C19orf47: variants seen among roughly 807,000 people sequenced by gnomAD.
The protein encoded by C19orf47 is chromosome 19 open reading frame 47.
C19orf47 carries 18 observed loss-of-function variants against 32.3 expected under a neutral mutation model. That is an observed-to-expected ratio of 0.56 (90% CI 0.39 to 0.83). C19orf47 has a LOEUF of 0.83. Ranked by LOEUF, C19orf47 falls within the 40% of genes least tolerant of loss-of-function variation. C19orf47 has a pLI of 0.00. For synonymous variants in C19orf47, 202 were observed against 211.1 expected (o/e 0.96, Z 0.37); for missense variants, 484 against 531.6 (o/e 0.91, Z 0.88).
At chr19:40,304,797 G>A in the C19orf47 span, among the ~76,000 whole-genome samples, 1 of 152,180 alleles carries the variant, frequency 6.6e-6, no homozygotes, top group African/African-American at 2.4e-5. Context: ...GTACAGGGAA[G>A]CCATTTTTTG....
At chr19:40,311,374 G>A in the C19orf47 span, among the ~76,000 whole-genome samples, 4 of 143,158 alleles carry the variant, frequency 2.8e-5, no homozygotes, top group Non-Finnish European at 6.1e-5. Context: ...AGCAAAACTC[G>A]GTCTCAAAAA....
the C19orf47 span, among the ~76,000 whole-genome samples, chr19:40,308,784 C>T: frequency 1.3e-5 from 2 of 151,346 alleles, no homozygotes; most frequent in African/African-American, 4.8e-5. Context: ...TATAAGAATA[C>T]ACAACAAAAG....
At chr19:40,328,351 A>G (rs1568610890) in intron 6 of C19orf47, 62 bp downstream of exon 6, 1 of 1,593,228 alleles carries the variant, frequency 6.3e-7, no homozygotes, top group Non-Finnish European at 8.5e-7. Context: ...ATGACCCCCA[A>G]CACCTCCTAC....
At chr19:40,317,456 T>C (rs2077669616), downstream of C19orf47, among the ~76,000 whole-genome samples, 1 of 151,520 alleles carries the variant, frequency 6.6e-6, no homozygotes, top group African/African-American at 2.4e-5. Flanking sequence ...AAGTGCTTAA[T>C]AGAATCAGTG....
the C19orf47 span, among the ~76,000 whole-genome samples, chr19:40,310,135 T>C: frequency 6.6e-6 from 1 of 152,022 alleles, no homozygotes; most frequent in South Asian, 2.1e-4. Context: ...CATCAACTCA[T>C]AGATAAACAA....
intron 5 of C19orf47, 61 bp downstream of exon 5, chr19:40,333,790 G>A (rs1177548699): frequency 5.2e-6 from 7 of 1,350,044 alleles, no homozygotes; most frequent in Non-Finnish European, 7.0e-6. Context: ...GGCCAGACGT[G>A]TCCCCTTCAC....
chr19:40,314,571 T>C (rs1034064027), downstream of C19orf47, among the ~76,000 whole-genome samples: 12 of 152,044 alleles, frequency 7.9e-5, no homozygotes, highest in African/African-American at 2.7e-4. Context: ...AAAGTAAATA[T>C]CCCTGAGTCC....
In C19orf47 at chr19:40,319,719, G is replaced by A. The variant is rs528053518; in HGVS notation, c.*2163C>T. ...CACCCGGCTAATTTTTGTATTTTTA[G>A]TAGAGACGGGGTTTCACCATCTTGG... On this transcript the variant is annotated 3_prime_UTR_variant, in exon 9 of 9. Coordinates refer to ENST00000683109, the MANE Select transcript of C19orf47 (RefSeq NM_001256441.2). 6.5e-6 allele frequency: 1 copy of A among 153,120 alleles called. No individual in the cohort carries two copies. The highest frequency in any genetic ancestry group is 2.4e-5 in the African/African-American group (1 of 41,494). 9.5% of individuals were successfully genotyped at this position (153,120 alleles called of 1,614,324 possible).
chr19:40,322,137 A>G lies in C19orf47; in HGVS notation c.903T>C (p.Ser301=). 1 of 1,614,048 alleles carries G rather than the reference A, an allele frequency of 6.2e-7. No individual in the cohort carries two copies. Among genetic ancestry groups the G allele is most frequent in the Middle Eastern group, 1.6e-4 (1 of 6,062 alleles). ...AGGACTCCGGCTTCCTCTCAAGCCCAGACCGTGAGGAAAGCGCCAGGCGCC... is the reference window on the plus strand; with the variant it reads ...AGGACTCCGGCTTCCTCTCAAGCCCGGACCGTGAGGAAAGCGCCAGGCGCC... ...TLRRLALSSR[S]GLERKPESLS... The change falls in exon 9 of 9, where the codon TCT becomes TCC. Residue 301 remains serine, a synonymous_variant. Coordinates refer to ENST00000683109, the MANE Select transcript of C19orf47 (RefSeq NM_001256441.2).
At chr19:40,340,975 CAAA>C (rs34578402) in intron 2 of C19orf47, among the ~76,000 whole-genome samples, 9 of 102,908 alleles carry the variant, frequency 8.7e-5, no homozygotes, top group Middle Eastern at 5.6e-3. Flanking sequence ...GAGCCTGTCT[CAAA>C]AAAAAAAAAA....
At chr19:40,333,275 A>C (rs1172029831) in intron 5 of C19orf47, among the ~76,000 whole-genome samples, 1 of 14,582 alleles carries the variant, frequency 6.9e-5, no homozygotes, top group Non-Finnish European at 1.6e-4. Context: ...ATAAATAAGA[A>C]AATAAATAAA....
chr19:40,308,225 G>A, the C19orf47 span, among the ~76,000 whole-genome samples: 1 of 151,092 alleles, frequency 6.6e-6, no homozygotes, highest in South Asian at 2.1e-4. Flanking sequence ...ACACAATCTC[G>A]GCTCACAGCA....
the C19orf47 span, among the ~76,000 whole-genome samples, chr19:40,307,702 A>G: frequency 2.0e-5 from 3 of 152,180 alleles, no homozygotes. Context: ...TATGCCAGGT[A>G]CTGTTTTAAG....
chr19:40,322,762 A>G (rs1378349878), intron 8 of C19orf47, among the ~76,000 whole-genome samples: 1 of 152,326 alleles, frequency 6.6e-6, no homozygotes, highest in African/African-American at 2.4e-5. Flanking sequence ...CCAATTCTAT[A>G]TTGTACCTGG....
chr19:40,315,798 A>T (rs2077658349), downstream of C19orf47, among the ~76,000 whole-genome samples: 1 of 151,518 alleles, frequency 6.6e-6, no homozygotes, highest in South Asian at 2.1e-4. Context: ...AAAAAAATTT[A>T]AATTAAAAAA....
chr19:40,306,752 C>CA, the C19orf47 span, among the ~76,000 whole-genome samples: 3 of 150,446 alleles, frequency 2.0e-5, no homozygotes, highest in African/African-American at 4.9e-5. Flanking sequence ...AAAGCATTAC[C>CA]AAAAAAGTTA....
At position 40,322,007 on chromosome 19, in the gene C19orf47, T is replaced by A. The variant is rs765897376; in HGVS notation, c.1033A>T (p.Lys345Ter). Residue 345 changes from lysine to a stop codon, truncating the protein, a stop_gained, in exon 9 of 9, where the codon AAG becomes TAG. Transcript: ENST00000683109. LOFTEE classifies it high-confidence loss of function. ...STKSKSSAEV[K>*]VTIKRTLVGP... ...ACCAGAGTCCTCTTAATGGTGACCT[T>A]GACCTCGGCTGAGGACTTACTCTTG... 1.2e-6 allele frequency: 2 copies of A among 1,614,130 alleles called. No individual in the cohort carries two copies. Among genetic ancestry groups the A allele is most frequent in the Admixed American group, 1.7e-5 (1 of 60,034 alleles).
At chr19:40,348,428 T>G (rs2145644229), upstream of C19orf47, 3 of 1,489,760 alleles carry the variant, frequency 2.0e-6, no homozygotes, top group Non-Finnish European at 2.7e-6. Context: ...CCCGGAAGCA[T>G]CCTCTCACCG....
intron 2 of C19orf47, chr19:40,339,063 G>A (rs2078126530): frequency 6.6e-6 from 1 of 152,606 alleles, no homozygotes; most frequent in African/African-American, 2.4e-5. Flanking sequence ...TTGACTTTAA[G>A]GCTAGTCAAG....
Sources: gnomAD v4.1 joint callset for allele counts (sites outside exome capture counted in the v4.1 genomes callset) on GRCh38, gnomAD v4.1.1 for gene constraint, MANE v1.5 for transcripts, NCBI Gene and HGNC (gene_info 2026-07-23, HGNC 2026-07-21) for gene names.